The following IKBKE variants were observed in gnomAD, a reference collection of about 807,000 sequenced individuals.
The protein encoded by IKBKE is inhibitor of nuclear factor kappa-B kinase subunit epsilon.
In IKBKE, 45 loss-of-function variants were observed where a neutral mutation model predicts 92.1. The observed-to-expected ratio is 0.49, with a 90% CI of 0.38 to 0.63. The LOEUF (loss-of-function observed/expected upper bound fraction) is 0.63, where lower values mean the gene tolerates loss of function less well. IKBKE is among the 20% of genes least tolerant of loss of function. The pLI is 0.00. For missense variants in IKBKE, 700 were observed against 932.8 expected, an observed-to-expected ratio of 0.75 and a Z score of 3.25; for synonymous variants, 374 against 380.3, an observed-to-expected ratio of 0.98 and a Z score of 0.19.
intron 21 of IKBKE, 62 bp from the exon 22 acceptor site, chr1:206,496,050 G>A: frequency 1.3e-5 from 17 of 1,307,806 alleles, no homozygotes; most frequent in Non-Finnish European, 1.8e-5. Context: ...GCTGGGCCCT[G>A]GAGTGTGGTC....
chr1:206,475,618 T>C lies in IKBKE; in HGVS notation c.359-563T>C, dbSNP rs572987039. On this transcript the variant is annotated intron_variant, in intron 5 of 21. Transcript: ENST00000581977. ...TGGGTGTGGTGGTGCATGCCTGTAG[T>C]TCCAGCCACTTGGGAGGCTGAGGCA... Among the ~76,000 whole-genome samples, 12 of 152,092 alleles carry C rather than the reference T, an allele frequency of 7.9e-5. No individual in the cohort carries two copies. The South Asian group carries it at 2.5e-3, about 32-fold the overall frequency.
In IKBKE at chr1:206,474,411, T is replaced by G. The variant is rs903641024; in HGVS notation, c.168T>G (p.Phe56Leu). The G allele has an allele frequency of 1.2e-6, 2 of 1,614,148 alleles. No individual in the cohort carries two copies. The highest frequency in any genetic ancestry group is 1.7e-6 in the Non-Finnish European group (2 of 1,179,982). ...CCCGCGAGGTGCAGGTGAGGGAGTTTGAGGTCCTGCGGAAGCTGAACCACC... is the reference window on the plus strand; with the variant it reads ...CCCGCGAGGTGCAGGTGAGGGAGTTGGAGGTCCTGCGGAAGCTGAACCACC... ...LRPREVQVRE[F>L]EVLRKLNHQN... The change falls in exon 4 of 22, where the codon TTT becomes TTG. Residue 56 changes from phenylalanine to leucine, a missense_variant. Physicochemically the swap from Phe to Leu is conservative, Grantham distance 22. Transcript: ENST00000581977.
Position 206,483,753 on chromosome 1 carries a change from T to A in IKBKE, c.1428-1244T>A, listed in dbSNP as rs182542797. On this transcript the variant is annotated intron_variant, in intron 13 of 21. Coordinates refer to ENST00000581977, the MANE Select transcript of IKBKE (RefSeq NM_014002.4). ...TTAGGAGTACACATCCTTCTAGATA[T>A]TTTTCTACTATGAGTAAACATTAAC... is the stretch of plus-strand genomic sequence containing the variant. Among the ~76,000 whole-genome samples, 155 of 152,286 alleles carry A rather than the reference T, an allele frequency of 1.0e-3. 2 individuals are homozygous for A. Among genetic ancestry groups the A allele is most frequent in the Non-Finnish European group, 8.1e-4 (55 of 68,030 alleles).
At chr1:206,483,743 C>A (rs1553387818) in intron 13 of IKBKE, among the ~76,000 whole-genome samples, 1 of 152,126 alleles carries the variant, frequency 6.6e-6, no homozygotes, top group African/African-American at 2.4e-5. Flanking sequence ...AGTACACATC[C>A]TTCTAGATAT....
At position 206,474,898 on chromosome 1, in the gene IKBKE, T is replaced by A; in HGVS notation, c.262T>A (p.Tyr88Asn). 1 of 1,613,964 alleles carries A rather than the reference T, an allele frequency of 6.2e-7. No homozygotes were observed. Among genetic ancestry groups the A allele is most frequent in the Non-Finnish European group, 8.5e-7 (1 of 1,179,960 alleles). Residue 88 changes from tyrosine to asparagine, a missense_variant, in exon 5 of 22, where the codon TAC (tyrosine) becomes AAC (asparagine). Tyr to Asn is a moderately radical substitution (Grantham distance 143). Transcript: ENST00000581977. Reference protein sequence around the residue: ...GSRQKVLVMEYCSSGSLLSVL... With the variant: ...GSRQKVLVMENCSSGSLLSVL... Reference sequence around the variant, plus strand: ...CCGGCAGAAGGTACTGGTGATGGAGTACTGCTCCAGTGGGAGCCTGCTGAG... The same window carrying A: ...CCGGCAGAAGGTACTGGTGATGGAGAACTGCTCCAGTGGGAGCCTGCTGAG...
At chr1:206,495,371 T>C (rs1666183862) in intron 21 of IKBKE, among the ~76,000 whole-genome samples, 2 of 152,120 alleles carry the variant, frequency 1.3e-5, no homozygotes, top group Admixed American at 1.3e-4. Context: ...AAAAATGAGA[T>C]ATGCAAGGTG....
chr1:206,478,853 C>A lies in IKBKE; in HGVS notation c.993-90C>A. ...TGCAAAACAGAGCCCTGTCTATGGG[C>A]AACGCTTAGCTGGGGCTTAGGTCAC... On this transcript the variant is annotated intron_variant, in intron 9 of 21. Transcript: ENST00000581977. The surrounding 1 kb of genome is among the most constrained non-coding windows in gnomAD (Gnocchi z 4.8). 1.0e-6 allele frequency: 1 copy of A among 999,744 alleles called. No individual in the cohort carries two copies. Among genetic ancestry groups the A allele is most frequent in the Non-Finnish European group, 1.6e-6 (1 of 625,290 alleles). 61.9% of individuals were successfully genotyped at this position (999,744 alleles called of 1,614,324 possible).
Position 206,476,640 on chromosome 1 carries a change from C to T in IKBKE, c.541-38C>T, listed in dbSNP as rs1665078119. On this transcript the variant is annotated intron_variant, in intron 6 of 21. Transcript: ENST00000581977. The surrounding 1 kb of genome is among the most constrained non-coding windows in gnomAD (Gnocchi z 5.1). ...GACAGGTCTCAGGCCCTTGCCAGCCCTCCGGCTCCATGGCCTCATTCTGGT... is the reference window on the plus strand; with the variant it reads ...GACAGGTCTCAGGCCCTTGCCAGCCTTCCGGCTCCATGGCCTCATTCTGGT... 1.9e-6 allele frequency: 3 copies of T among 1,612,848 alleles called. No individual in the cohort carries two copies. In the African/African-American group the frequency reaches 4.0e-5, roughly 22 times the overall value.
chr1:206,476,952 C>A lies in IKBKE; in HGVS notation c.701+114C>A. The A allele has an allele frequency of 8.7e-7, 1 of 1,148,708 alleles. No homozygotes were observed. Among genetic ancestry groups the A allele is most frequent in the Non-Finnish European group, 1.2e-6 (1 of 803,066 alleles). 71.2% of individuals were successfully genotyped at this position (1,148,708 alleles called of 1,614,324 possible). ...TCACACTCCATGGCCCTCCTCTGGTCCACCCCCCAACCCAGGCTCTTTGTA... is the reference window on the plus strand; with the variant it reads ...TCACACTCCATGGCCCTCCTCTGGTACACCCCCCAACCCAGGCTCTTTGTA... On this transcript the variant is annotated intron_variant, in intron 7 of 21. Transcript: ENST00000581977. This position sits in a 1 kb window ranked among gnomAD's most constrained non-coding sequence, Gnocchi z 5.1.
rs185001607 is a variant in IKBKE at position 206,476,019 on chromosome 1, G to A, written c.359-162G>A. Among the ~76,000 whole-genome samples, 9 of 152,058 alleles carry A rather than the reference G, an allele frequency of 5.9e-5. No homozygotes were observed. Among genetic ancestry groups the A allele is most frequent in the Admixed American group, 5.2e-4 (8 of 15,292 alleles). The stretch of plus-strand genomic sequence containing the variant: ...CTAGTGTCCTTGAGATGCCCCCTAA[G>A]CCCCATGCATGTCTCTGTCCTTCTG... On this transcript the variant is annotated intron_variant, in intron 5 of 21. Coordinates refer to ENST00000581977, the MANE Select transcript of IKBKE (RefSeq NM_014002.4). The surrounding 1 kb of genome is among the most constrained non-coding windows in gnomAD (Gnocchi z 5.1).
chr1:206,474,539 AC>A, intron 4 of IKBKE, 68 bp downstream of exon 4: 1 of 1,450,680 alleles, frequency 6.9e-7, no homozygotes, highest in Non-Finnish European at 9.4e-7. Context: ...GAATCAGGCC[AC>A]ATGATAACAG....
In IKBKE at chr1:206,476,297, G is replaced by A. The variant is rs782100237; in HGVS notation, c.475G>A (p.Gly159Ser). 2.5e-6 allele frequency: 4 copies of A among 1,613,936 alleles called. No homozygotes were observed. The highest frequency in any genetic ancestry group is 1.7e-5 in the Admixed American group (1 of 59,998). ...GAGCATCTACAAGCTGACAGACTTC[G>A]GCGCTGCCCGGGAGCTGGATGATGA... ...GQSIYKLTDF[G>S]AARELDDDEK... Residue 159 changes from glycine to serine, a missense_variant, in exon 6 of 22, where the codon GGC (glycine) becomes AGC (serine). Physicochemically the swap from Gly to Ser is moderately conservative, Grantham distance 56. Transcript: ENST00000581977. This position sits in a 1 kb window ranked among gnomAD's most constrained non-coding sequence, Gnocchi z 5.1.
Position 206,473,304 on chromosome 1 carries a change from C to T in IKBKE, c.77C>T (p.Ala26Val), listed in dbSNP as rs1553384299. Residue 26 changes from alanine to valine, a missense_variant, in exon 3 of 22, where the codon GCC becomes GTC. Physicochemically the swap from Ala to Val is moderately conservative, Grantham distance 64. Transcript: ENST00000581977. ...GGGGCCACTGCCAGTGTGTACAAGGCCCGCAACAAGGTAGGAAGCAACCCT... is the reference window on the plus strand; with the variant it reads ...GGGGCCACTGCCAGTGTGTACAAGGTCCGCAACAAGGTAGGAAGCAACCCT... ...GQGATASVYK[A>V]RNKKSGELVA... 6 of 1,612,088 alleles carry T rather than the reference C, an allele frequency of 3.7e-6. No homozygotes were observed. Among genetic ancestry groups the T allele is most frequent in the African/African-American group, 1.3e-5 (1 of 75,022 alleles).
chr1:206,478,007 C>T lies in IKBKE; in HGVS notation c.812+148C>T, dbSNP rs2297543. On this transcript the variant is annotated intron_variant, in intron 8 of 21. Coordinates refer to ENST00000581977, the MANE Select transcript of IKBKE (RefSeq NM_014002.4). The surrounding 1 kb of genome is among the most constrained non-coding windows in gnomAD (Gnocchi z 4.8). ...CCACTTTCCCATCTGGTTGCTGGAA[C>T]GAGTTCTTCCAGCTCTTCCTCCCCA... 0.23 allele frequency: 189,148 copies of T among 836,636 alleles called. 26,406 individuals carry two copies. The highest frequency in any genetic ancestry group is 0.6 in the East Asian group (22,325 of 37,238). 51.8% of individuals were successfully genotyped at this position (836,636 alleles called of 1,614,324 possible).
At position 206,481,508 on chromosome 1, in the gene IKBKE, G is replaced by A. The variant is rs193280199; in HGVS notation, c.1427+975G>A. On this transcript the variant is annotated intron_variant, in intron 13 of 21. Coordinates refer to ENST00000581977, the MANE Select transcript of IKBKE (RefSeq NM_014002.4). ...ATAACAGGGATGGAGTCTCCATCCAGACTGAGCCCCTCTCAAATGGTGACA... is the reference window on the plus strand; with the variant it reads ...ATAACAGGGATGGAGTCTCCATCCAAACTGAGCCCCTCTCAAATGGTGACA... Among the ~76,000 whole-genome samples, 186 of 152,310 alleles carry A rather than the reference G, an allele frequency of 1.2e-3. 2 individuals are homozygous for A. The highest frequency in any genetic ancestry group is 9.2e-3 in the Admixed American group (140 of 15,298).
At chr1:206,477,113 C>T (rs1266110339) in intron 7 of IKBKE, among the ~76,000 whole-genome samples, 8 of 152,206 alleles carry the variant, frequency 5.3e-5, no homozygotes, top group African/African-American at 1.7e-4. Flanking sequence ...TCGTCTCAAC[C>T]GAAGCTCAAA....
At chr1:206,495,974 G>C in intron 21 of IKBKE, 138 bp from the exon 22 acceptor site, 1 of 600,676 alleles carries the variant, frequency 1.7e-6, no homozygotes, top group Admixed American at 2.9e-5. Flanking sequence ...TCTTGTCGGG[G>C]AGTGAGGGTG....
Position 206,481,766 on chromosome 1 carries a change from C to CTT in IKBKE, c.1427+1263_1427+1264dup, listed in dbSNP as rs71152472. On this transcript the variant is annotated intron_variant, in intron 13 of 21. Coordinates refer to ENST00000581977, the MANE Select transcript of IKBKE (RefSeq NM_014002.4). ...ACGGAGGCCTTCCTGAAGGATGAGG[C>CTT]TTTTTTTTTTTTTTTTTTTTTTTTT... 5.0e-3 allele frequency among the ~76,000 whole-genome samples: 232 copies of CTT among 46,564 alleles called. 34 individuals are homozygous for CTT. Among genetic ancestry groups the CTT allele is most frequent in the Middle Eastern group, 0.019 (1 of 52 alleles). The allele number at this position is 46,564 out of a possible 152,430, so 30.5% of individuals were successfully genotyped here. A position where few individuals can be genotyped will look rare whatever the true frequency, so the allele number is the denominator to read the frequency against.
In IKBKE at chr1:206,476,204, G is replaced by A. The variant is rs41296028; in HGVS notation, c.382G>A (p.Glu128Lys). ...CVVAGMNHLR[E>K]NGIVHRDIKP... ...AGTGGCCGGCATGAACCACCTGCGG[G>A]AGAACGGCATTGTGCATCGCGACAT... is the stretch of plus-strand genomic sequence containing the variant. Residue 128 changes from glutamate (E) to lysine (K), a missense_variant, in exon 6 of 22, where the codon GAG becomes AAG. Glu to Lys is a moderately conservative substitution (Grantham distance 56). Transcript: ENST00000581977. This position sits in a 1 kb window ranked among gnomAD's most constrained non-coding sequence, Gnocchi z 5.1. 119 of 1,614,116 alleles carry A rather than the reference G, an allele frequency of 7.4e-5. No individual in the cohort carries two copies. The African/African-American group carries it at 1.3e-3, about 18-fold the overall frequency.
Sources: allele counts gnomAD v4.1 joint callset (sites outside exome capture counted in the v4.1 genomes callset), GRCh38; gene constraint gnomAD v4.1.1; non-coding constraint Gnocchi (gnomAD v3.1); transcripts MANE v1.5; gene names NCBI Gene and HGNC (gene_info 2026-07-23, HGNC 2026-07-21).